The following TUSC3 variants were observed in gnomAD, a reference collection of about 807,000 sequenced individuals.
TUSC3 encodes the protein dolichyl-diphosphooligosaccharide--protein glycosyltransferase subunit TUSC3.
In TUSC3, 45 loss-of-function variants were observed where a neutral mutation model predicts 44.8. That is an observed-to-expected ratio of 1.00 (90% confidence interval 0.79 to 1.29). The LOEUF is 1.29. Among genes scored for constraint, TUSC3 ranks in the 50% most tolerant of loss-of-function variants. The probability of loss-of-function intolerance (pLI) is 0.00; values close to 1 mark genes in which losing one functional copy is unlikely to be tolerated. For synonymous variants in TUSC3, 212 were observed against 152.9 expected, an observed-to-expected ratio of 1.39 and a Z score of -2.85; for missense variants, 519 against 437.9, an observed-to-expected ratio of 1.19 and a Z score of -1.65.
intron 1 of TUSC3, among the ~76,000 whole-genome samples, chr8:15,433,539 C>T (rs1799904366): frequency 6.6e-6 from 1 of 151,966 alleles, no homozygotes; most frequent in South Asian, 2.1e-4. Context: ...GCTCCCCACT[C>T]CCCCACCCAT....
At chr8:15,654,373 T>C (rs1351958516) in intron 3 of TUSC3, among the ~76,000 whole-genome samples, 2 of 152,176 alleles carry the variant, frequency 1.3e-5, no homozygotes, top group South Asian at 2.1e-4. Context: ...TAAATGTCCA[T>C]TACATGGAAG....
At chr8:15,739,326 CT>C (rs1370131268) in intron 7 of TUSC3, among the ~76,000 whole-genome samples, 4 of 151,898 alleles carry the variant, frequency 2.6e-5, no homozygotes, top group Admixed American at 2.6e-4. Flanking sequence ...TTGGGAATAG[CT>C]TTATAGGAGT....
intron 6 of TUSC3, among the ~76,000 whole-genome samples, chr8:15,722,146 C>G (rs1173161165): frequency 6.6e-6 from 1 of 151,626 alleles, no homozygotes; most frequent in East Asian, 1.9e-4. Context: ...TACCTGCAGT[C>G]TATGTTTTTG....
chr8:15,844,429 G>A, the TUSC3 span, among the ~76,000 whole-genome samples: 1 of 151,964 alleles, frequency 6.6e-6, no homozygotes, highest in Non-Finnish European at 1.5e-5. Flanking sequence ...ATAATATGTG[G>A]CCTAATAAAT....
chr8:15,772,265 C>G, the TUSC3 span, among the ~76,000 whole-genome samples: 1 of 151,978 alleles, frequency 6.6e-6, no homozygotes. Context: ...AAAGTTGGTT[C>G]TTTGAAATAT....
intron 2 of TUSC3, among the ~76,000 whole-genome samples, chr8:15,641,881 AC>A (rs902647397): frequency 1.3e-5 from 2 of 152,222 alleles, no homozygotes; most frequent in African/African-American, 4.8e-5. Context: ...AAAAATGAAA[AC>A]CAGACAAAAA....
chr8:15,566,071 T>C (rs540060741), intron 1 of TUSC3, among the ~76,000 whole-genome samples: 2 of 152,308 alleles, frequency 1.3e-5, no homozygotes, highest in East Asian at 3.9e-4. Context: ...TTTCTGTCCA[T>C]CGTTTGTTAA....
intron 1 of TUSC3, among the ~76,000 whole-genome samples, chr8:15,614,925 T>C (rs552047397): frequency 8.9e-6 from 1 of 111,790 alleles, no homozygotes. Context: ...CAGGCTGTTA[T>C]TAAAAAGACC....
chr8:15,554,916 A>G lies in TUSC3; in HGVS notation c.138+14348A>G, dbSNP rs774749096. Among the ~76,000 whole-genome samples, 146 of 151,314 alleles carry G rather than the reference A, an allele frequency of 9.6e-4. 4 individuals carry two copies. The highest frequency in any genetic ancestry group is 3.4e-3 in the Middle Eastern group (1 of 294). ...CACCGCACCCGGCCAACATTTTATTATAATTTTAAATAGCTACTGTGGAAA... is the reference window on the plus strand; with the variant it reads ...CACCGCACCCGGCCAACATTTTATTGTAATTTTAAATAGCTACTGTGGAAA... On this transcript the variant is annotated intron_variant, in intron 1 of 10. Transcript: ENST00000503731.
chr8:15,849,321 T>A, the TUSC3 span, among the ~76,000 whole-genome samples: 1 of 152,160 alleles, frequency 6.6e-6, no homozygotes, highest in Non-Finnish European at 1.5e-5. Context: ...ACCAAACATT[T>A]AGAGTCACAT....
intron 9 of TUSC3, among the ~76,000 whole-genome samples, chr8:15,754,536 T>G (rs1811842203): frequency 3.3e-5 from 5 of 152,130 alleles, no homozygotes; most frequent in Admixed American, 1.3e-4. Flanking sequence ...GACACTTAAG[T>G]TACCCTTTAG....
chr8:15,590,863 G>A (rs1294889335), intron 1 of TUSC3, among the ~76,000 whole-genome samples: 1 of 151,584 alleles, frequency 6.6e-6, no homozygotes, highest in South Asian at 2.1e-4. Context: ...TTGAGGAGAC[G>A]GAGTTTTGCT....
intron 1 of TUSC3, among the ~76,000 whole-genome samples, chr8:15,444,937 G>A (rs542988833): frequency 1.2e-4 from 19 of 152,280 alleles, no homozygotes; most frequent in African/African-American, 4.6e-4. Flanking sequence ...CGCTGGTGCT[G>A]TGCACTCTAC....
intron 1 of TUSC3, among the ~76,000 whole-genome samples, chr8:15,581,964 C>A (rs1803369404): frequency 6.6e-6 from 1 of 151,082 alleles, no homozygotes; most frequent in South Asian, 2.1e-4. Flanking sequence ...CAGCGAGATT[C>A]CGTGGGCGTA....
chr8:15,707,616 G>A (rs1585252238), intron 6 of TUSC3, among the ~76,000 whole-genome samples: 1 of 151,938 alleles, frequency 6.6e-6, no homozygotes, highest in South Asian at 2.1e-4. Flanking sequence ...ATATTTCTGC[G>A]AGAGCAAAGA....
intron 2 of TUSC3, among the ~76,000 whole-genome samples, chr8:15,497,373 G>A (rs187447029): frequency 1.5e-3 from 231 of 152,258 alleles, no homozygotes; most frequent in Non-Finnish European, 2.4e-3. Context: ...ATAATGAGCA[G>A]TAAGCCTGCC....
chr8:15,843,621 T>TATATATATATATATATATACACAC, the TUSC3 span, among the ~76,000 whole-genome samples: 116 of 146,724 alleles, frequency 7.9e-4, 1 homozygote, highest in African/African-American at 3.0e-3. Context: ...TATATATATA[T>TATATATATATATATATATACACAC]ACACGCACAT....
At chr8:15,438,357 A>T (rs766468178) in intron 1 of TUSC3, among the ~76,000 whole-genome samples, 5 of 152,114 alleles carry the variant, frequency 3.3e-5, no homozygotes, top group Non-Finnish European at 7.4e-5. Context: ...CGGCCCCCCA[A>T]AGTGCTGGGA....
At chr8:15,605,870 G>A (rs946425610) in intron 1 of TUSC3, among the ~76,000 whole-genome samples, 3 of 151,932 alleles carry the variant, frequency 2.0e-5, no homozygotes, top group African/African-American at 7.2e-5. Flanking sequence ...TCATAACTTC[G>A]TAGCTGCATT....
Sources: gnomAD v4.1 joint callset for allele counts (sites outside exome capture counted in the v4.1 genomes callset) on GRCh38, gnomAD v4.1.1 for gene constraint, MANE v1.5 for transcripts, NCBI Gene and HGNC (gene_info 2026-07-23, HGNC 2026-07-21) for gene names.